Variants in RTKN2 observed in about 807,000 individuals in gnomAD.
RTKN2 encodes the protein rhotekin-2.
RTKN2 carries 69 observed loss-of-function variants against 71.5 expected under a neutral mutation model. The observed-to-expected ratio is 0.96, with a 90% CI of 0.79 to 1.18. The LOEUF (loss-of-function observed/expected upper bound fraction) is 1.18, where lower values mean the gene tolerates loss of function less well. Among genes scored for constraint, RTKN2 ranks in the 50% most tolerant of loss-of-function variants. RTKN2 has a pLI of 0.00. For synonymous variants in RTKN2, 236 were observed against 236.5 expected (o/e 1.00, Z 0.02); for missense variants, 724 against 719.7 (o/e 1.01, Z -0.07).
At chr10:62,252,415 G>A (rs944522885) in intron 2 of RTKN2, among the ~76,000 whole-genome samples, 3 of 151,964 alleles carry the variant, frequency 2.0e-5, no homozygotes, top group East Asian at 3.9e-4. Flanking sequence ...GAAGGAAACC[G>A]TACTCATGTG....
intron 7 of RTKN2, among the ~76,000 whole-genome samples, chr10:62,221,318 T>C (rs372697841): frequency 6.6e-6 from 1 of 151,858 alleles, no homozygotes; most frequent in East Asian, 1.9e-4. Context: ...AAAGGATGTA[T>C]AACCTTAATT....
Position 62,196,053 on chromosome 10 carries a change from A to G in RTKN2, c.*1855T>C. On this transcript the variant is annotated 3_prime_UTR_variant, in exon 12 of 12. Coordinates refer to ENST00000373789, the MANE Select transcript of RTKN2 (RefSeq NM_145307.4). ...AAGGAAGGCATCAACTAGGAAAAAA[A>G]AAAGAATGCTTAGATGCCAGCTTCA... 1 of 985,400 alleles carries G rather than the reference A, an allele frequency of 1.0e-6. No individual in the cohort carries two copies. The highest frequency in any genetic ancestry group is 1.2e-6 in the Non-Finnish European group (1 of 829,904). The allele number at this position is 985,400 out of a possible 1,614,324, so 61.0% of individuals were successfully genotyped here. A position where few individuals can be genotyped will look rare whatever the true frequency, so the allele number is the denominator to read the frequency against.
intron 10 of RTKN2, 151 bp downstream of exon 10, chr10:62,204,706 G>T (rs955455834): frequency 4.0e-6 from 2 of 496,064 alleles, no homozygotes; most frequent in East Asian, 3.4e-5. Context: ...TTGACAGAAA[G>T]AAGCATCAGT....
At chr10:62,216,497 GC>G (rs531313102) in intron 9 of RTKN2, among the ~76,000 whole-genome samples, 87 of 152,188 alleles carry the variant, frequency 5.7e-4, no homozygotes, top group Non-Finnish European at 1.0e-3. Flanking sequence ...AACTAAGTTT[GC>G]CTTATATTGA....
chr10:62,236,075 G>A lies in RTKN2; in HGVS notation c.677C>T (p.Ser226Phe), dbSNP rs1029992590. ...AGTATTAAAAACTTACAAAACAGCA[G>A]AGCTGAGGAGCAAGCACATTTCATC... is the stretch of plus-strand genomic sequence containing the variant. The part of the protein sequence containing the change: ...EDDEMCLLLS[S>F]AVFGVKYNLL... The change falls in exon 6 of 12, where the codon TCT (serine) becomes TTT (phenylalanine). Residue 226 changes from serine (S) to phenylalanine (F), a missense_variant. Transcript: ENST00000373789. 3 of 1,609,462 alleles carry A rather than the reference G, an allele frequency of 1.9e-6. No individual in the cohort carries two copies. Among genetic ancestry groups the A allele is most frequent in the African/African-American group, 2.7e-5 (2 of 74,750 alleles).
At chr10:62,206,227 A>C (rs1292973755) in intron 9 of RTKN2, among the ~76,000 whole-genome samples, 1 of 152,152 alleles carries the variant, frequency 6.6e-6, no homozygotes, top group Non-Finnish European at 1.5e-5. Context: ...CAAGAGAATC[A>C]TGGTTAAGCC....
chr10:62,235,941 C>G (rs1204234026), intron 6 of RTKN2, 125 bp downstream of exon 6: 2 of 700,674 alleles, frequency 2.9e-6, no homozygotes, highest in Non-Finnish European at 4.7e-6. Context: ...TGTCAAACAA[C>G]TAAGTTTTGT....
chr10:62,232,039 G>A lies in RTKN2; in HGVS notation c.686+4027C>T, dbSNP rs111678741. 3.8e-3 allele frequency among the ~76,000 whole-genome samples: 577 copies of A among 152,268 alleles called. 2 individuals carry two copies. Among genetic ancestry groups the A allele is most frequent in the African/African-American group, 0.012 (494 of 41,566 alleles). Reference sequence around the variant, plus strand: ...CTGGTATTACAAGGACATGATTTGTGAAATGTTGTAAAAGGTTTTATTGTA... The same window carrying A: ...CTGGTATTACAAGGACATGATTTGTAAAATGTTGTAAAAGGTTTTATTGTA... On this transcript the variant is annotated intron_variant, in intron 6 of 11. Coordinates refer to ENST00000373789, the MANE Select transcript of RTKN2 (RefSeq NM_145307.4).
intron 7 of RTKN2, among the ~76,000 whole-genome samples, chr10:62,221,714 T>C (rs984789823): frequency 6.6e-6 from 1 of 152,128 alleles, no homozygotes; most frequent in South Asian, 2.1e-4. Flanking sequence ...ATGAAGTATA[T>C]AGACTACAAT....
Position 62,193,285 on chromosome 10 carries a change from G to C in RTKN2, c.*4623C>G. The C allele has an allele frequency of 1.0e-6, 1 of 972,268 alleles. No homozygotes were observed. The highest frequency in any genetic ancestry group is 1.2e-6 in the Non-Finnish European group (1 of 818,072). 60.2% of individuals were successfully genotyped at this position (972,268 alleles called of 1,614,324 possible). A position where few individuals can be genotyped will look rare whatever the true frequency, so the allele number is the denominator to read the frequency against. ...ATCTTTTCAATCTACCTCTCCTTTA[G>C]TAGTTACATTAAGAGATTACCATGT... On this transcript the variant is annotated 3_prime_UTR_variant, in exon 12 of 12. Coordinates refer to ENST00000373789, the MANE Select transcript of RTKN2 (RefSeq NM_145307.4).
At chr10:62,221,238 A>G (rs997826617) in intron 7 of RTKN2, among the ~76,000 whole-genome samples, 2 of 152,086 alleles carry the variant, frequency 1.3e-5, no homozygotes, top group African/African-American at 2.4e-5. Context: ...GCACAAAACT[A>G]TCTTTTAAGT....
chr10:62,235,029 A>G (rs1462567744), intron 6 of RTKN2, among the ~76,000 whole-genome samples: 1 of 152,150 alleles, frequency 6.6e-6, no homozygotes, highest in Non-Finnish European at 1.5e-5. Flanking sequence ...TACAAGGGCC[A>G]GAAAAAAATG....
intron 9 of RTKN2, among the ~76,000 whole-genome samples, chr10:62,216,171 C>G (rs10761614): frequency 0.76 from 114,981 of 151,500 alleles, 43,704 homozygotes; most frequent in East Asian, 0.9. Context: ...GGTACCCACG[C>G]GTTTTCAGGA....
intron 7 of RTKN2, among the ~76,000 whole-genome samples, chr10:62,220,172 A>C (rs1841874795): frequency 6.6e-6 from 1 of 152,196 alleles, no homozygotes; most frequent in Non-Finnish European, 1.5e-5. Flanking sequence ...TAAAACCAAA[A>C]AGTTTTAAAT....
intron 1 of RTKN2, among the ~76,000 whole-genome samples, chr10:62,268,318 C>G (rs775517090): frequency 6.6e-6 from 1 of 152,258 alleles, no homozygotes; most frequent in Admixed American, 6.5e-5. Flanking sequence ...GCCTGGACCC[C>G]GGCACCGCCT....
chr10:62,189,558 G>A (rs954535512), downstream of RTKN2, among the ~76,000 whole-genome samples: 1 of 152,126 alleles, frequency 6.6e-6, no homozygotes, highest in Non-Finnish European at 1.5e-5. Context: ...AGGTGCAGTG[G>A]CAAACGTCTG....
intron 8 of RTKN2, among the ~76,000 whole-genome samples, chr10:62,186,624 T>A (rs1207390268): frequency 1.3e-5 from 2 of 152,292 alleles, no homozygotes; most frequent in East Asian, 3.9e-4. Context: ...CTCAAGTAGT[T>A]CCACTTGGCT....
chr10:62,251,351 T>C (rs1842577749), intron 2 of RTKN2, among the ~76,000 whole-genome samples: 1 of 152,194 alleles, frequency 6.6e-6, no homozygotes, highest in Non-Finnish European at 1.5e-5. Flanking sequence ...AACTTTATCA[T>C]AGGGGTGTAT....
chr10:62,239,865 T>G lies in RTKN2; in HGVS notation c.371-100A>C, dbSNP rs1842337656. On this transcript the variant is annotated intron_variant, in intron 4 of 11. Transcript: ENST00000373789. ...TATTAGGTTAAATATTATTAATAGA[T>G]TCTTTTCATACATTGTATACTGTAA... 5 of 675,582 alleles carry G rather than the reference T, an allele frequency of 7.4e-6. No individual in the cohort carries two copies. In the East Asian group the frequency reaches 1.1e-4, roughly 16 times the overall value. The allele number at this position is 675,582 out of a possible 1,614,324, so 41.8% of individuals were successfully genotyped here. A position where few individuals can be genotyped will look rare whatever the true frequency, so the allele number is the denominator to read the frequency against.
Sources: allele counts gnomAD v4.1 joint callset (sites outside exome capture counted in the v4.1 genomes callset), GRCh38; gene constraint gnomAD v4.1.1; transcripts MANE v1.5; gene names NCBI Gene and HGNC (gene_info 2026-07-23, HGNC 2026-07-21).